Variants in GULP1 observed in about 807,000 individuals in gnomAD.
The protein encoded by GULP1 is PTB domain-containing engulfment adapter protein 1.
GULP1 carries 19 observed loss-of-function variants against 40.9 expected under a neutral mutation model. That is an observed-to-expected ratio of 0.46 (90% CI 0.32 to 0.68). GULP1 has a LOEUF of 0.68. GULP1 is among the 30% of genes least tolerant of loss of function. The pLI is 0.03. For synonymous variants in GULP1, 119 were observed against 117.6 expected, an observed-to-expected ratio of 1.01 and a Z score of -0.08; for missense variants, 312 against 362.2, an observed-to-expected ratio of 0.86 and a Z score of 1.12.
At chr2:188,506,325 A>C (rs2063908970) in intron 4 of GULP1, among the ~76,000 whole-genome samples, 1 of 151,814 alleles carries the variant, frequency 6.6e-6, no homozygotes. Context: ...ATATTTTCCT[A>C]CTCGTTTGCA....
intron 4 of GULP1, among the ~76,000 whole-genome samples, chr2:188,521,060 C>T (rs1196685355): frequency 6.6e-6 from 1 of 151,862 alleles, no homozygotes; most frequent in Non-Finnish European, 1.5e-5. Context: ...AACACGTATT[C>T]TCCTATGTCT....
At chr2:188,361,179 A>G (rs916573311) in intron 1 of GULP1, among the ~76,000 whole-genome samples, 2 of 152,022 alleles carry the variant, frequency 1.3e-5, no homozygotes, top group Non-Finnish European at 2.9e-5. Context: ...GTTTTTGTCA[A>G]TCATTTATTC....
At chr2:188,536,584 CTATAGCCT>C (rs1167543649) in intron 6 of GULP1, among the ~76,000 whole-genome samples, 2 of 152,008 alleles carry the variant, frequency 1.3e-5, no homozygotes, top group Non-Finnish European at 2.9e-5. Flanking sequence ...TTTTTGGTTA[CTATAGCCT>C]TATAGTACAG....
chr2:188,402,044 C>G (rs571734897), intron 2 of GULP1, among the ~76,000 whole-genome samples: 1 of 152,088 alleles, frequency 6.6e-6, no homozygotes, highest in Non-Finnish European at 1.5e-5. Context: ...CTTCTTTTCT[C>G]TCCCTTCCCC....
intron 5 of GULP1, among the ~76,000 whole-genome samples, chr2:188,526,072 AG>A (rs1357260413): frequency 3.9e-5 from 6 of 152,156 alleles, no homozygotes; most frequent in African/African-American, 1.4e-4. Context: ...CTTTTTAAAA[AG>A]TCCTCTGAGA....
chr2:188,330,651 A>T (rs1417745098), intron 1 of GULP1, among the ~76,000 whole-genome samples: 1 of 152,194 alleles, frequency 6.6e-6, no homozygotes, highest in Non-Finnish European at 1.5e-5. Flanking sequence ...TGCAATAGTA[A>T]AGAAATCTTT....
intron 2 of GULP1, among the ~76,000 whole-genome samples, chr2:188,451,180 A>G (rs2058808781): frequency 6.6e-6 from 1 of 152,218 alleles, no homozygotes; most frequent in Non-Finnish European, 1.5e-5. Context: ...TGTAAAACAC[A>G]TGGTACATTC....
At chr2:188,542,748 A>G (rs941413191) in intron 7 of GULP1, among the ~76,000 whole-genome samples, 14 of 152,346 alleles carry the variant, frequency 9.2e-5, no homozygotes, top group African/African-American at 2.9e-4. Flanking sequence ...AATAAAATTT[A>G]CATATTTCAA....
chr2:188,435,125 G>T (rs2057287092), intron 2 of GULP1, among the ~76,000 whole-genome samples: 1 of 151,854 alleles, frequency 6.6e-6, no homozygotes. Flanking sequence ...TGTTTTTCTG[G>T]ACTTTTTCTT....
In GULP1 at chr2:188,463,441, C is replaced by T. The variant is rs545645582; in HGVS notation, c.-44-14218C>T. Among the ~76,000 whole-genome samples, 4 of 152,250 alleles carry T rather than the reference C, an allele frequency of 2.6e-5. No homozygotes were observed. The East Asian group carries it at 7.7e-4, about 29-fold the overall frequency. On this transcript the variant is annotated intron_variant, in intron 2 of 11. Transcript: ENST00000409830. Reference sequence around the variant, plus strand: ...CTTTTCTCTTGCTGCTTTTAGCACCCTTTCTTTATCCTTGACCTTTGGGAG... The same window carrying T: ...CTTTTCTCTTGCTGCTTTTAGCACCTTTTCTTTATCCTTGACCTTTGGGAG...
At chr2:188,572,603 C>T (rs1463036162) in intron 9 of GULP1, among the ~76,000 whole-genome samples, 1 of 152,138 alleles carries the variant, frequency 6.6e-6, no homozygotes, top group Non-Finnish European at 1.5e-5. Flanking sequence ...GTTGTCTACA[C>T]TTTTTCTTTA....
At chr2:188,416,835 T>C (rs571417200) in intron 2 of GULP1, among the ~76,000 whole-genome samples, 5 of 152,216 alleles carry the variant, frequency 3.3e-5, no homozygotes, top group Admixed American at 6.5e-5. Context: ...TAATCAGATA[T>C]AGTTAGGAAA....
chr2:188,562,347 T>C (rs1422055920), intron 7 of GULP1, among the ~76,000 whole-genome samples: 1 of 152,126 alleles, frequency 6.6e-6, no homozygotes, highest in Non-Finnish European at 1.5e-5. Context: ...CCTTTTCCCA[T>C]GTATGGAAAG....
At chr2:188,420,688 A>G (rs1419437401) in intron 2 of GULP1, among the ~76,000 whole-genome samples, 1 of 152,176 alleles carries the variant, frequency 6.6e-6, no homozygotes, top group African/African-American at 2.4e-5. Flanking sequence ...GGCTGAGTCC[A>G]GGGTTTTTAT....
intron 9 of GULP1, among the ~76,000 whole-genome samples, chr2:188,578,387 A>C (rs1343113380): frequency 1.3e-5 from 2 of 152,000 alleles, no homozygotes; most frequent in African/African-American, 4.8e-5. Context: ...TACAAAGGGG[A>C]GGGAGAGCAT....
rs2054488543 is a variant in GULP1, at chr2:188,415,696, G to GT, written c.-45+31808dup. Among the ~76,000 whole-genome samples the GT allele has an allele frequency of 3.9e-5, 6 of 152,214 alleles. No homozygotes were observed. The South Asian group carries it at 1.2e-3, about 32-fold the overall frequency. On this transcript the variant is annotated intron_variant, in intron 2 of 11. Coordinates refer to ENST00000409830, the MANE Select transcript of GULP1 (RefSeq NM_016315.4). Reference sequence around the variant, plus strand: ...TGAAGCTGATGCCAATTTTCTGATTGTAAGTCCATCTTTTTCCATTATAGG... The same window carrying GT: ...TGAAGCTGATGCCAATTTTCTGATTGTTAAGTCCATCTTTTTCCATTATAGG...
chr2:188,489,548 C>T (rs1386332629), intron 4 of GULP1, among the ~76,000 whole-genome samples: 1 of 151,778 alleles, frequency 6.6e-6, no homozygotes, highest in African/African-American at 2.4e-5. Flanking sequence ...TATATTCATT[C>T]CAAACATTTT....
At chr2:188,306,473 C>T (rs1269457807) in intron 1 of GULP1, among the ~76,000 whole-genome samples, 6 of 152,092 alleles carry the variant, frequency 3.9e-5, no homozygotes, top group Admixed American at 3.3e-4. Context: ...ATTATAAAAA[C>T]GTTCTCTTGG....
chr2:188,565,956 C>A (rs1697554953), intron 7 of GULP1, among the ~76,000 whole-genome samples: 3 of 152,074 alleles, frequency 2.0e-5, no homozygotes, highest in South Asian at 2.1e-4. Flanking sequence ...TTATAGATAT[C>A]AAGGACAGGC....
Sources: allele counts gnomAD v4.1 joint callset (sites outside exome capture counted in the v4.1 genomes callset), GRCh38; gene constraint gnomAD v4.1.1; transcripts MANE v1.5; gene names NCBI Gene and HGNC (gene_info 2026-07-23, HGNC 2026-07-21).